The following DACT2 variants were observed in gnomAD, a reference collection of about 807,000 sequenced individuals.
DACT2 encodes the protein dapper homolog 2.
A neutral mutation model predicts 22.2 loss-of-function variants in DACT2; 20 were observed. That is an observed-to-expected ratio of 0.90 (90% CI 0.63 to 1.31). DACT2 has a LOEUF of 1.31. DACT2 is among the 50% of genes most tolerant of loss of function. DACT2 has a pLI of 0.00. For synonymous variants in DACT2, 463 were observed against 479.8 expected, an observed-to-expected ratio of 0.96 and a Z score of 0.46; for missense variants, 1,048 against 1,061.4, an observed-to-expected ratio of 0.99 and a Z score of 0.18.
downstream of DACT2, among the ~76,000 whole-genome samples, chr6:168,303,846 T>G (rs1268008142): frequency 6.6e-6 from 1 of 152,210 alleles, no homozygotes; most frequent in African/African-American, 2.4e-5. Context: ...TTCCCTAATA[T>G]TATAATTAAA....
intron 5 of DACT2, chr6:168,294,034 G>C: frequency 1.4e-6 from 1 of 702,954 alleles, no homozygotes; most frequent in Non-Finnish European, 2.6e-6. Flanking sequence ...TTGCCTCCCC[G>C]TCCCCACAGA....
Position 168,313,295 on chromosome 6 carries a change from A to G in DACT2, c.247-2011T>C, listed in dbSNP as rs183666739. Among the ~76,000 whole-genome samples the G allele has an allele frequency of 5.3e-3, 799 of 152,186 alleles. 9 individuals are homozygous for G. The highest frequency in any genetic ancestry group is 0.024 in the Middle Eastern group (7 of 292). ...CCTGACCTCGTGATCCGCCCGCCTC[A>G]GCCTCCCAAAGTGCTCGGATTACAG... On this transcript the variant is annotated intron_variant, in intron 1 of 3. Transcript: ENST00000366795.
downstream of DACT2, among the ~76,000 whole-genome samples, chr6:168,305,725 C>T (rs532510257): frequency 1.4e-4 from 21 of 152,200 alleles, no homozygotes; most frequent in Non-Finnish European, 1.6e-4. Flanking sequence ...GGAGAAGCCA[C>T]GCTTCATTAT....
At chr6:168,295,946 C>T (rs1779000097) in intron 3 of DACT2, among the ~76,000 whole-genome samples, 1 of 148,154 alleles carries the variant, frequency 6.7e-6, no homozygotes, top group African/African-American at 2.6e-5. Flanking sequence ...TAGCTGGAGC[C>T]AGCACAGGCC....
chr6:168,294,258 T>C, intron 4 of DACT2: 3 of 702,782 alleles, frequency 4.3e-6, no homozygotes, highest in African/African-American at 1.7e-5. Context: ...CTCTGTCACA[T>C]CTGTCCCCGA....
In DACT2 at chr6:168,307,150, C is replaced by A; in HGVS notation, c.*282G>T. The A allele has an allele frequency of 8.0e-7, 1 of 1,247,304 alleles. No individual in the cohort carries two copies. Among genetic ancestry groups the A allele is most frequent in the South Asian group, 2.2e-5 (1 of 45,920 alleles). The allele number at this position is 1,247,304 out of a possible 1,614,324, so 77.3% of individuals were successfully genotyped here. A position where few individuals can be genotyped will look rare whatever the true frequency, so the allele number is the denominator to read the frequency against. On this transcript the variant is annotated 3_prime_UTR_variant, in exon 4 of 4. Coordinates refer to ENST00000366795, the MANE Select transcript of DACT2 (RefSeq NM_214462.5). The surrounding 1 kb of genome is among the most constrained non-coding windows in gnomAD (Gnocchi z 5.3). ...TGACAACATGGAAACAAGGTGCATGCCGGGAAGCAGCATCCTGGGCAGACC... is the reference window on the plus strand; with the variant it reads ...TGACAACATGGAAACAAGGTGCATGACGGGAAGCAGCATCCTGGGCAGACC...
intron 2 of DACT2, 97 bp from the exon 3 acceptor site, chr6:168,310,543 GGAA>G: frequency 6.8e-7 from 1 of 1,473,254 alleles, no homozygotes; most frequent in Non-Finnish European, 9.0e-7. Flanking sequence ...TGGGCCCAGG[GGAA>G]CCCCTGAGCT....
downstream of DACT2, among the ~76,000 whole-genome samples, chr6:168,306,441 C>T (rs533657478): frequency 1.7e-4 from 26 of 151,056 alleles, no homozygotes; most frequent in African/African-American, 6.1e-4. Context: ...CACTTTTATG[C>T]CCCCTCTTTT....
At position 168,307,282 on chromosome 6, in the gene DACT2, C is replaced by A; in HGVS notation, c.*150G>T. On this transcript the variant is annotated 3_prime_UTR_variant, in exon 4 of 4. Transcript: ENST00000366795. This position sits in a 1 kb window ranked among gnomAD's most constrained non-coding sequence, Gnocchi z 5.3. ...GGACTCACGGCCATACTCCACAGGG[C>A]AGAACCCATCTGCGGGGACTCCTGT... The A allele has an allele frequency of 6.8e-7, 1 of 1,461,690 alleles. No homozygotes were observed. Among genetic ancestry groups the A allele is most frequent in the Non-Finnish European group, 9.0e-7 (1 of 1,109,572 alleles). 90.5% of individuals were successfully genotyped at this position (1,461,690 alleles called of 1,614,324 possible).
chr6:168,294,282 C>A, intron 4 of DACT2: 1 of 702,020 alleles, frequency 1.4e-6, no homozygotes. Flanking sequence ...CTTGCCGTTT[C>A]ACTGGGGCTA....
At chr6:168,311,525 C>A (rs1297760625) in intron 1 of DACT2, among the ~76,000 whole-genome samples, 25 of 114,816 alleles carry the variant, frequency 2.2e-4, no homozygotes, top group African/African-American at 7.3e-4. Flanking sequence ...CACACAAACA[C>A]ACACACACAC....
rs113822899 is a variant in DACT2 at position 168,319,613 on chromosome 6, G to A, written c.21C>T (p.Pro7=). The change falls in exon 1 of 4, where the codon CCC becomes CCT. Residue 7 remains proline (P), a synonymous_variant. Coordinates refer to ENST00000366795, the MANE Select transcript of DACT2 (RefSeq NM_214462.5). MWTPGG[P]PGSAGWDRRR... ...GGCGGTCCCAGCCCGCGGACCCCGG[G>A]GGTCCGCCCGGCGTCCACATCTCCC... 128 of 1,310,202 alleles carry A rather than the reference G, an allele frequency of 9.8e-5. No homozygotes were observed. The African/African-American group carries it at 1.9e-3, about 19-fold the overall frequency. 81.2% of individuals were successfully genotyped at this position (1,310,202 alleles called of 1,614,324 possible).
rs1162506945 is a variant in DACT2 at position 168,308,196 on chromosome 6, G to A, written c.1561C>T (p.Pro521Ser). 2 of 1,551,516 alleles carry A rather than the reference G, an allele frequency of 1.3e-6. No homozygotes were observed. Among genetic ancestry groups the A allele is most frequent in the Non-Finnish European group, 1.7e-6 (2 of 1,147,054 alleles). ...TGGGGGGCTGCATGGGCTCCCTCAG[G>A]CCTGTCCAGTAGAAGCAGCGGCTGC... The part of the protein sequence containing the change: ...ARQPLLLLDR[P>S]EGAHAAPQPS... Residue 521 changes from proline to serine, a missense_variant, in exon 4 of 4, where the codon CCT becomes TCT. Transcript: ENST00000366795.
At chr6:168,318,441 C>T (rs1410501437) in intron 1 of DACT2, among the ~76,000 whole-genome samples, 2 of 152,224 alleles carry the variant, frequency 1.3e-5, no homozygotes, top group African/African-American at 4.8e-5. Context: ...GACGGTCATG[C>T]CGCAGCTTCA....
intron 3 of DACT2, chr6:168,300,034 C>T (rs1316189061): frequency 1.3e-5 from 2 of 152,286 alleles, no homozygotes; most frequent in African/African-American, 2.4e-5. Context: ...GCTGCAGGAC[C>T]CGGTGGGCTG....
At chr6:168,294,748 C>T (rs1053205744) in intron 3 of DACT2, 5 of 1,008,306 alleles carry the variant, frequency 5.0e-6, no homozygotes, top group East Asian at 6.4e-5. Flanking sequence ...CTACAGAACA[C>T]ACCTGCAGCT....
At chr6:168,302,685 AG>A (rs1217771754), downstream of DACT2, among the ~76,000 whole-genome samples, 2 of 152,170 alleles carry the variant, frequency 1.3e-5, no homozygotes, top group Non-Finnish European at 2.9e-5. Flanking sequence ...TCAGGAGAGG[AG>A]GGGAGGAGCC....
In DACT2 at chr6:168,307,201, G is replaced by A; in HGVS notation, c.*231C>T. 7.2e-7 allele frequency: 1 copy of A among 1,389,910 alleles called. No individual in the cohort carries two copies. Among genetic ancestry groups the A allele is most frequent in the South Asian group, 1.6e-5 (1 of 61,242 alleles). 86.1% of individuals were successfully genotyped at this position (1,389,910 alleles called of 1,614,324 possible). A position where few individuals can be genotyped will look rare whatever the true frequency, so the allele number is the denominator to read the frequency against. ...TTGAAAAGAGACACTAGGTCGGCCGGGGAGGCTGCTGGCATCTGAAACCAG... is the reference window on the plus strand; with the variant it reads ...TTGAAAAGAGACACTAGGTCGGCCGAGGAGGCTGCTGGCATCTGAAACCAG... On this transcript the variant is annotated 3_prime_UTR_variant, in exon 4 of 4. Coordinates refer to ENST00000366795, the MANE Select transcript of DACT2 (RefSeq NM_214462.5). This position sits in a 1 kb window ranked among gnomAD's most constrained non-coding sequence, Gnocchi z 5.3.
Position 168,308,456 on chromosome 6 carries a change from C to G in DACT2, c.1301G>C (p.Arg434Thr), listed in dbSNP as rs1378079144. Residue 434 changes from arginine to threonine, a missense_variant, in exon 4 of 4, where the codon AGG (arginine) becomes ACG (threonine). By Grantham distance (71) the Arg-to-Thr change is moderately conservative. Transcript: ENST00000366795. ...GSKPSNSCVL[R>T]ETMVQASPSS... ...GGGAGAAGCCTGCACCATGGTCTCCCTGAGGACACAGCTGTTTGAGGGCTT... is the reference window on the plus strand; with the variant it reads ...GGGAGAAGCCTGCACCATGGTCTCCGTGAGGACACAGCTGTTTGAGGGCTT... The G allele has an allele frequency of 1.3e-6, 2 of 1,551,586 alleles. No individual in the cohort carries two copies. The highest frequency in any genetic ancestry group is 2.7e-5 in the African/African-American group (2 of 73,046).
Sources: gnomAD v4.1 joint callset for allele counts (sites outside exome capture counted in the v4.1 genomes callset) on GRCh38, gnomAD v4.1.1 for gene constraint, Gnocchi (gnomAD v3.1) non-coding constraint, MANE v1.5 for transcripts, NCBI Gene and HGNC (gene_info 2026-07-23, HGNC 2026-07-21) for gene names.